The following PTPRD variants were observed in gnomAD, a reference collection of about 807,000 sequenced individuals.
PTPRD encodes the protein receptor-type tyrosine-protein phosphatase delta.
Under a neutral mutation model 214.5 loss-of-function variants are expected in PTPRD, and 34 were observed. The ratio of observed to expected loss-of-function variants is 0.16; its 90% CI spans 0.12 to 0.21. The LOEUF (loss-of-function observed/expected upper bound fraction) is 0.21, where lower values mean the gene tolerates loss of function less well. Among genes scored for constraint, PTPRD ranks in the 10% least tolerant of loss-of-function variants. The probability of loss-of-function intolerance (pLI) is 1.00; values close to 1 mark genes in which losing one functional copy is unlikely to be tolerated. For missense variants in PTPRD, 2,545 were observed against 2,398.7 expected (o/e 1.06, Z -1.27); for synonymous variants, 1,128 against 845.7 (o/e 1.33, Z -5.79).
chr9:9,438,210 G>A (rs1411557955), intron 8 of PTPRD, among the ~76,000 whole-genome samples: 1 of 152,130 alleles, frequency 6.6e-6, no homozygotes. Flanking sequence ...GGTATTAAAA[G>A]TTAGGATTAC....
chr9:8,501,112 T>TG (rs2097395521), intron 23 of PTPRD, 53 bp from the exon 24 acceptor site: 1 of 1,359,192 alleles, frequency 7.4e-7, no homozygotes, highest in Non-Finnish European at 1.0e-6. Flanking sequence ...CAGGAGTGGT[T>TG]GAAAAAAAAA....
At chr9:8,321,481 GTGTGTGTATATATA>G (rs1223300363) in intron 44 of PTPRD, among the ~76,000 whole-genome samples, 3 of 49,198 alleles carry the variant, frequency 6.1e-5, no homozygotes, top group African/African-American at 1.5e-4. Flanking sequence ...GTGTGTGTGT[GTGTGTGTATATATA>G]TATATATATA....
chr9:9,835,442 T>C lies in PTPRD; in HGVS notation c.-367-68591A>G, dbSNP rs76958797. Among the ~76,000 whole-genome samples, 637 of 152,202 alleles carry C rather than the reference T, an allele frequency of 4.2e-3. 7 individuals carry two copies. The highest frequency in any genetic ancestry group is 0.015 in the African/African-American group (613 of 41,540). ...TTGTAAAGGTGGCAGTGCAAGAATC[T>C]CTGTTATTAAGAAGATACAGTGATG... On this transcript the variant is annotated intron_variant, in intron 5 of 45. Transcript: ENST00000381196.
At chr9:8,940,843 T>C (rs896321303) in intron 11 of PTPRD, among the ~76,000 whole-genome samples, 6 of 140,856 alleles carry the variant, frequency 4.3e-5, no homozygotes, top group Non-Finnish European at 3.2e-5. Flanking sequence ...ATGATGATGA[T>C]GATGATGATG....
intron 2 of PTPRD, among the ~76,000 whole-genome samples, chr9:10,374,383 A>G (rs988596928): frequency 1.3e-5 from 2 of 152,022 alleles, no homozygotes; most frequent in Non-Finnish European, 2.9e-5. Flanking sequence ...CTCTTGATAA[A>G]CAACATAACT....
At chr9:9,868,085 C>G (rs1471537339) in intron 5 of PTPRD, among the ~76,000 whole-genome samples, 1 of 152,090 alleles carries the variant, frequency 6.6e-6, no homozygotes, top group Admixed American at 6.5e-5. Context: ...GCCTACAGCC[C>G]ACAGGTGCAG....
rs138263216 is a variant in PTPRD, at chr9:8,478,530, G to A, written c.3413+5589C>T. ...TTTCTCCTAGTATAATCTGTGTTGT[G>A]CATTTTTTAAATACCCAGAGTAAAA... On this transcript the variant is annotated intron_variant, in intron 30 of 45. Transcript: ENST00000381196. Among the ~76,000 whole-genome samples, 432 of 152,122 alleles carry A rather than the reference G, an allele frequency of 2.8e-3. 2 individuals carry two copies. Among genetic ancestry groups the A allele is most frequent in the African/African-American group, 9.8e-3 (405 of 41,502 alleles).
In PTPRD at chr9:8,497,195, C is replaced by CAAGCATAT. The variant is rs1460190934; in HGVS notation, c.2349+39_2349+46dup. On this transcript the variant is annotated intron_variant, in intron 26 of 45. Coordinates refer to ENST00000381196, the MANE Select transcript of PTPRD (RefSeq NM_002839.4). ...ATAAGTGAAAGGATGTCAGAGAAAA[C>CAAGCATAT]AAGCATATATAGTCTGCTTTTGACA... The CAAGCATAT allele has an allele frequency of 4.7e-6, 7 of 1,494,004 alleles. No individual in the cohort carries two copies. The African/African-American group carries it at 8.5e-5, about 18-fold the overall frequency. The allele number at this position is 1,494,004 out of a possible 1,614,324, so 92.5% of individuals were successfully genotyped here.
At chr9:9,646,904 T>C (rs576534730) in intron 7 of PTPRD, among the ~76,000 whole-genome samples, 4 of 152,358 alleles carry the variant, frequency 2.6e-5, no homozygotes, top group African/African-American at 9.6e-5. Context: ...CTTGTTGTAC[T>C]ATACCACAGG....
intron 3 of PTPRD, among the ~76,000 whole-genome samples, chr9:10,280,441 AT>A (rs2095038067): frequency 1.3e-5 from 2 of 152,164 alleles, no homozygotes; most frequent in African/African-American, 4.8e-5. Context: ...TCTCCACCAA[AT>A]TCAGAATGAT....
intron 9 of PTPRD, among the ~76,000 whole-genome samples, chr9:9,258,479 T>A (rs886393685): frequency 1.3e-5 from 2 of 151,840 alleles, no homozygotes; most frequent in African/African-American, 4.8e-5. Context: ...TTTTGAAAAA[T>A]CTGTTAAGCT....
intron 44 of PTPRD, among the ~76,000 whole-genome samples, chr9:8,329,893 T>A (rs1407788627): frequency 6.7e-6 from 1 of 150,274 alleles, no homozygotes; most frequent in Admixed American, 6.7e-5. Flanking sequence ...CAGGTGGACC[T>A]CAGACAGCTG....
chr9:10,407,726 T>C (rs995196232), intron 2 of PTPRD, among the ~76,000 whole-genome samples: 6 of 151,604 alleles, frequency 4.0e-5, no homozygotes, highest in African/African-American at 1.2e-4. Context: ...GTGGCATGTA[T>C]GTATAATGAT....
intron 3 of PTPRD, among the ~76,000 whole-genome samples, chr9:10,091,829 C>T (rs1376440382): frequency 1.3e-5 from 2 of 151,348 alleles, no homozygotes; most frequent in Non-Finnish European, 3.0e-5. Flanking sequence ...AAAATAGCAT[C>T]ATCATTAAGA....
At chr9:8,535,530 T>C (rs1348273487) in intron 14 of PTPRD, among the ~76,000 whole-genome samples, 1 of 151,932 alleles carries the variant, frequency 6.6e-6, no homozygotes, top group Admixed American at 6.6e-5. Context: ...ATGTCAAAGG[T>C]TGTTGTGAAC....
At chr9:9,954,315 A>AC (rs769998990) in intron 4 of PTPRD, among the ~76,000 whole-genome samples, 2 of 146,720 alleles carry the variant, frequency 1.4e-5, no homozygotes, top group African/African-American at 2.5e-5. Context: ...AAAAAAAAAA[A>AC]AAAAAAAAAG....
At chr9:10,028,492 A>T (rs990494884) in intron 4 of PTPRD, among the ~76,000 whole-genome samples, 1 of 152,186 alleles carries the variant, frequency 6.6e-6, no homozygotes, top group Non-Finnish European at 1.5e-5. Flanking sequence ...CTCCCTAGAG[A>T]CTTGTTGCAT....
intron 10 of PTPRD, among the ~76,000 whole-genome samples, chr9:9,096,124 T>C (rs959807693): frequency 1.3e-5 from 2 of 152,152 alleles, no homozygotes; most frequent in African/African-American, 4.8e-5. Context: ...GTAGCAGATA[T>C]GTAGGATGAC....
rs2097933978 is a variant in PTPRD at position 9,721,167 on chromosome 9, T to C, written c.-287+13366A>G. On this transcript the variant is annotated intron_variant, in intron 7 of 45. Transcript: ENST00000381196. ...ATTAAATAAAATACTAAAGTGTGGA[T>C]AAACATCTTTTAAAAAGAGTATAGA... Among the ~76,000 whole-genome samples the C allele has an allele frequency of 4.6e-5, 5 of 109,884 alleles. No homozygotes were observed. The South Asian group carries it at 1.3e-3, about 28-fold the overall frequency. 72.1% of individuals were successfully genotyped at this position (109,884 alleles called of 152,430 possible).
Sources: gnomAD v4.1 joint callset for allele counts (sites outside exome capture counted in the v4.1 genomes callset) on GRCh38, gnomAD v4.1.1 for gene constraint, MANE v1.5 for transcripts, NCBI Gene and HGNC (gene_info 2026-07-23, HGNC 2026-07-21) for gene names.